UBE2F: variants seen among roughly 807,000 people sequenced by gnomAD.
UBE2F encodes ubiquitin conjugating enzyme E2 F (putative).
In UBE2F, 5 loss-of-function variants were observed where a neutral mutation model predicts 29.6. The ratio of observed to expected loss-of-function variants is 0.17; its 90% CI spans 0.09 to 0.36. The LOEUF (loss-of-function observed/expected upper bound fraction) is 0.36, where lower values mean the gene tolerates loss of function less well. Among genes scored for constraint, UBE2F ranks in the 10% least tolerant of loss-of-function variants. The pLI is 1.00. For synonymous variants in UBE2F, 66 were observed against 81.8 expected (o/e 0.81, Z 1.04); for missense variants, 141 against 228.5 (o/e 0.62, Z 2.47).
intron 3 of UBE2F, among the ~76,000 whole-genome samples, chr2:237,991,601 C>CTTTTTTTTTTTTTTTTTT (rs796466552): frequency 3.2e-5 from 1 of 30,862 alleles, no homozygotes; most frequent in Admixed American, 3.4e-4. Flanking sequence ...CTTTTCTTTT[C>CTTTTTTTTTTTTTTTTTT]TTTCTTTCTT....
At chr2:237,988,017 A>C in intron 3 of UBE2F, 25 bp downstream of exon 3, 1 of 1,418,528 alleles carries the variant, frequency 7.0e-7, no homozygotes, top group Non-Finnish European at 9.5e-7. Flanking sequence ...CCCAAACACT[A>C]AGTACTGTGA....
At chr2:237,987,852 CTTTTT>C in intron 2 of UBE2F, 106 bp from the exon 3 acceptor site, 14 of 518,938 alleles carry the variant, frequency 2.7e-5, no homozygotes, top group South Asian at 8.5e-5. Flanking sequence ...TCAGTTCATC[CTTTTT>C]TTTTTTTTTT....
intron 2 of UBE2F, among the ~76,000 whole-genome samples, chr2:237,977,707 T>A (rs768600616): frequency 5.1e-4 from 77 of 152,038 alleles, no homozygotes; most frequent in Non-Finnish European, 8.4e-4. Flanking sequence ...TGAGGGGTGA[T>A]AAAGTGAGAA....
chr2:237,996,919 T>C (rs1425221611), intron 4 of UBE2F, among the ~76,000 whole-genome samples: 2 of 152,194 alleles, frequency 1.3e-5, no homozygotes, highest in South Asian at 2.1e-4. Flanking sequence ...CACTGTTCTA[T>C]CAGATTAAAA....
chr2:238,015,070 G>T (rs1489201216), intron 4 of UBE2F, among the ~76,000 whole-genome samples: 1 of 152,224 alleles, frequency 6.6e-6, no homozygotes, highest in African/African-American at 2.4e-5. Flanking sequence ...GTTGATGAAT[G>T]AATGAGCTGA....
intron 2 of UBE2F, among the ~76,000 whole-genome samples, chr2:237,977,935 A>T (rs1230471224): frequency 2.6e-5 from 4 of 152,074 alleles, no homozygotes; most frequent in Non-Finnish European, 4.4e-5. Flanking sequence ...GGAGTTTGTC[A>T]TGCAGGATCC....
intron 2 of UBE2F, among the ~76,000 whole-genome samples, chr2:237,979,647 A>T (rs1457648022): frequency 6.6e-6 from 1 of 152,158 alleles, no homozygotes; most frequent in African/African-American, 2.4e-5. Context: ...CCACAGGCTG[A>T]CCTTTAGATG....
At chr2:238,014,559 T>C (rs962267064) in intron 4 of UBE2F, among the ~76,000 whole-genome samples, 6 of 152,146 alleles carry the variant, frequency 3.9e-5, no homozygotes, top group Non-Finnish European at 7.4e-5. Context: ...AGAAAAAATA[T>C]AGCATGGCAG....
At chr2:238,032,317 G>T (rs985386173) in intron 8 of UBE2F, 63 bp downstream of exon 8, 2 of 1,379,202 alleles carry the variant, frequency 1.5e-6, no homozygotes, top group Admixed American at 3.5e-5. Context: ...TTTAGACATT[G>T]CGTTAAGACA....
At chr2:238,027,226 A>G (rs2064452875) in intron 6 of UBE2F, among the ~76,000 whole-genome samples, 1 of 152,272 alleles carries the variant, frequency 6.6e-6, no homozygotes, top group African/African-American at 2.4e-5. Context: ...TTAAAAACAC[A>G]AAATGGAAGA....
intron 4 of UBE2F, among the ~76,000 whole-genome samples, chr2:238,016,130 G>A (rs1012094329): frequency 9.2e-5 from 14 of 152,228 alleles, no homozygotes; most frequent in Admixed American, 2.0e-4. Context: ...TGGGTGCTCA[G>A]TAAGGGTTTG....
chr2:238,002,596 T>C (rs1020484034), intron 4 of UBE2F, among the ~76,000 whole-genome samples: 7 of 151,836 alleles, frequency 4.6e-5, no homozygotes, highest in African/African-American at 1.2e-4. Context: ...CTGAGATGGT[T>C]CCATGCATGA....
At position 237,973,816 on chromosome 2, in the gene UBE2F, G is replaced by A. The variant is rs1002319570; in HGVS notation, c.118+591G>A. 5 of 561,932 alleles carry A rather than the reference G, an allele frequency of 8.9e-6. No homozygotes were observed. In the Admixed American group the frequency reaches 2.2e-4, roughly 25 times the overall value. The allele number at this position is 561,932 out of a possible 1,614,324, so 34.8% of individuals were successfully genotyped here. A position where few individuals can be genotyped will look rare whatever the true frequency, so the allele number is the denominator to read the frequency against. ...TGAGAGTATGCGTGCATGCAGATAT[G>A]CATTCATTTGTATGTTTGAGCATAA... On this transcript the variant is annotated intron_variant, in intron 2 of 9. Transcript: ENST00000272930.
intron 2 of UBE2F, among the ~76,000 whole-genome samples, chr2:237,973,956 A>T (rs2063222494): frequency 6.6e-6 from 1 of 152,108 alleles, no homozygotes. Context: ...CTTTAAGGAG[A>T]TTATAATTTG....
chr2:237,993,532 G>A (rs774040978), intron 3 of UBE2F, among the ~76,000 whole-genome samples: 1 of 152,086 alleles, frequency 6.6e-6, no homozygotes, highest in Non-Finnish European at 1.5e-5. Context: ...GGGTAACATG[G>A]CGAAAACCTG....
intron 1 of UBE2F, among the ~76,000 whole-genome samples, chr2:237,969,625 C>G (rs768647013): frequency 2.0e-5 from 3 of 152,158 alleles, no homozygotes; most frequent in Non-Finnish European, 4.4e-5. Context: ...TTGGGTGACT[C>G]TGACGATGTG....
Position 238,041,719 on chromosome 2 carries a change from G to A in UBE2F, c.*381G>A, listed in dbSNP as rs376232561. Reference sequence around the variant, plus strand: ...GGTTTTCTGCACAAGCGATGCTAATGATGTGTTCAGTGTAACTCGCAGATT... The same window carrying A: ...GGTTTTCTGCACAAGCGATGCTAATAATGTGTTCAGTGTAACTCGCAGATT... On this transcript the variant is annotated 3_prime_UTR_variant, in exon 10 of 10. Coordinates refer to ENST00000272930, the MANE Select transcript of UBE2F (RefSeq NM_080678.3). The A allele has an allele frequency of 1.9e-4, 38 of 198,950 alleles. No homozygotes were observed. In the South Asian group the frequency reaches 3.8e-3, roughly 20 times the overall value. 12.3% of individuals were successfully genotyped at this position (198,950 alleles called of 1,614,324 possible).
At chr2:238,013,165 G>T (rs986239582) in intron 4 of UBE2F, among the ~76,000 whole-genome samples, 1 of 152,154 alleles carries the variant, frequency 6.6e-6, no homozygotes, top group Admixed American at 6.5e-5. Flanking sequence ...AGCTACTTGG[G>T]TGGTTGAGGT....
At chr2:238,008,667 G>T (rs2063956060) in intron 4 of UBE2F, among the ~76,000 whole-genome samples, 1 of 152,010 alleles carries the variant, frequency 6.6e-6, no homozygotes, top group Non-Finnish European at 1.5e-5. Flanking sequence ...TCATGTCTTT[G>T]TTATTTCCCT....
Sources: allele counts gnomAD v4.1 joint callset (sites outside exome capture counted in the v4.1 genomes callset), GRCh38; gene constraint gnomAD v4.1.1; transcripts MANE v1.5; gene names NCBI Gene and HGNC (gene_info 2026-07-23, HGNC 2026-07-21).